Variants in FGD3 observed in about 807,000 individuals in gnomAD.
FGD3 encodes the protein FYVE, RhoGEF and PH domain-containing protein 3.
A neutral mutation model predicts 71.8 loss-of-function variants in FGD3; 45 were observed. That is an observed-to-expected ratio of 0.63 (90% CI 0.49 to 0.80). The LOEUF (loss-of-function observed/expected upper bound fraction) is 0.80, where lower values mean the gene tolerates loss of function less well. FGD3 is among the 30% of genes least tolerant of loss of function. The pLI is 0.00. For missense variants in FGD3, 844 were observed against 951.5 expected (o/e 0.89, Z 1.49); for synonymous variants, 378 against 392.8 (o/e 0.96, Z 0.44).
intron 6 of FGD3, 69 bp downstream of exon 6, chr9:93,006,249 T>G (rs1165209005): frequency 1.4e-6 from 2 of 1,410,388 alleles, no homozygotes; most frequent in Non-Finnish European, 1.9e-6. Context: ...TTTTATTTTT[T>G]AAAAACATAT....
chr9:92,967,429 G>T (rs989764543), intron 1 of FGD3, among the ~76,000 whole-genome samples: 2 of 152,096 alleles, frequency 1.3e-5, no homozygotes, highest in Non-Finnish European at 2.9e-5. Context: ...CCACCATTCT[G>T]GTTTCTGTCT....
chr9:93,035,125 T>C (rs1455645317), intron 17 of FGD3, among the ~76,000 whole-genome samples: 1 of 152,146 alleles, frequency 6.6e-6, no homozygotes, highest in Non-Finnish European at 1.5e-5. Context: ...CCCCTCCCTA[T>C]ATCTCCCTCG....
At chr9:93,000,645 T>G (rs188437799) in intron 3 of FGD3, among the ~76,000 whole-genome samples, 1,974 of 152,288 alleles carry the variant, frequency 0.013, 26 homozygotes, top group Non-Finnish European at 0.02. Flanking sequence ...CACTGACAGA[T>G]CCTCTCATAA....
In FGD3 at chr9:92,976,200, C is replaced by T. The variant is rs977032726; in HGVS notation, c.-49-8C>T. 22 of 1,435,742 alleles carry T rather than the reference C, an allele frequency of 1.5e-5. No homozygotes were observed. The African/African-American group carries it at 3.1e-4, about 21-fold the overall frequency. 88.9% of individuals were successfully genotyped at this position (1,435,742 alleles called of 1,614,324 possible). The stretch of plus-strand genomic sequence containing the variant: ...TAGCACTGACTCTGGCTTGTTTCTC[C>T]CCTACAGGAAGCCCCTGGCCAGCCT... On this transcript the variant is annotated splice_polypyrimidine_tract_variant and splice_region_variant and intron_variant, in intron 2 of 17. Transcript: ENST00000375482.
intron 12 of FGD3, 90 bp from the exon 13 acceptor site, chr9:93,020,227 G>A (rs765753613): frequency 7.0e-5 from 89 of 1,267,966 alleles, no homozygotes; most frequent in Admixed American, 2.2e-4. Context: ...GCCAAGGCCC[G>A]TCCTCGGGAC....
intron 17 of FGD3, 148 bp from the exon 18 acceptor site, chr9:93,035,190 C>A: frequency 1.7e-6 from 2 of 1,165,392 alleles, no homozygotes; most frequent in Non-Finnish European, 2.3e-6. Flanking sequence ...AAAGGCAGTG[C>A]AGGCACAGCC....
chr9:93,000,179 TAAC>T (rs1233578069), intron 3 of FGD3, among the ~76,000 whole-genome samples: 5 of 152,224 alleles, frequency 3.3e-5, no homozygotes, highest in South Asian at 2.1e-4. Flanking sequence ...TTTAAACTAA[TAAC>T]AACTTCAATC....
chr9:93,018,600 G>A lies in FGD3; in HGVS notation c.1355+385G>A, dbSNP rs1249773526. Among the ~76,000 whole-genome samples, 3 of 152,180 alleles carry A rather than the reference G, an allele frequency of 2.0e-5. No individual in the cohort carries two copies. In the East Asian group the frequency reaches 5.8e-4, roughly 29 times the overall value. ...TCTCATTGTCTGGATGTGGTGACCTGGTGAGTTTCAGTCCCTTGATGGTTT... is the reference window on the plus strand; with the variant it reads ...TCTCATTGTCTGGATGTGGTGACCTAGTGAGTTTCAGTCCCTTGATGGTTT... On this transcript the variant is annotated intron_variant, in intron 11 of 17. Transcript: ENST00000375482.
At chr9:93,026,378 G>A (rs1862114122) in intron 14 of FGD3, among the ~76,000 whole-genome samples, 1 of 152,160 alleles carries the variant, frequency 6.6e-6, no homozygotes, top group Non-Finnish European at 1.5e-5. Flanking sequence ...ATTCACAAAG[G>A]GGCGTGTGCA....
intron 3 of FGD3, among the ~76,000 whole-genome samples, chr9:92,983,855 A>G (rs901983277): frequency 6.6e-6 from 1 of 152,198 alleles, no homozygotes. Flanking sequence ...ACTAGGCAAA[A>G]ATATCCACAT....
chr9:92,980,029 G>T (rs1441694668), intron 3 of FGD3, among the ~76,000 whole-genome samples: 2 of 118,856 alleles, frequency 1.7e-5, no homozygotes, highest in Non-Finnish European at 3.5e-5. Context: ...CAATAGAATA[G>T]ATTTTTTTTT....
rs184019218 is a variant in FGD3 at position 92,979,864 on chromosome 9, T to C, written c.453+3155T>C. 5.9e-5 allele frequency among the ~76,000 whole-genome samples: 9 copies of C among 152,310 alleles called. No homozygotes were observed. The East Asian group carries it at 7.7e-4, about 13-fold the overall frequency. On this transcript the variant is annotated intron_variant, in intron 3 of 17. Transcript: ENST00000375482. ...GTGTTTCTAGGAATTTACCCATTAC[T>C]GTTCATAGTATTCTCTTTTAGTCTT...
chr9:93,005,554 C>T (rs1185691182), intron 5 of FGD3, among the ~76,000 whole-genome samples: 4 of 152,110 alleles, frequency 2.6e-5, no homozygotes, highest in Non-Finnish European at 5.9e-5. Context: ...TTTTCTGTTT[C>T]TTGAAAATTA....
chr9:92,980,881 G>T (rs143726701), intron 3 of FGD3, among the ~76,000 whole-genome samples: 1 of 151,014 alleles, frequency 6.6e-6, no homozygotes, highest in Non-Finnish European at 1.5e-5. Flanking sequence ...TGAGGCAGGA[G>T]AATTGCTTGA....
At chr9:92,990,255 TAGTG>T (rs1860356008) in intron 3 of FGD3, among the ~76,000 whole-genome samples, 1 of 152,122 alleles carries the variant, frequency 6.6e-6, no homozygotes, top group Non-Finnish European at 1.5e-5. Flanking sequence ...TTGAGCAACA[TAGTG>T]AGACCTTGTC....
intron 1 of FGD3, among the ~76,000 whole-genome samples, chr9:92,956,130 T>G (rs2118503462): frequency 6.6e-6 from 1 of 152,342 alleles, no homozygotes; most frequent in East Asian, 1.9e-4. Context: ...TTTGTTTGTT[T>G]GTTTGTTTGT....
At chr9:92,959,706 C>CAAAAA (rs10658844) in intron 1 of FGD3, among the ~76,000 whole-genome samples, 13 of 80,530 alleles carry the variant, frequency 1.6e-4, no homozygotes, top group African/African-American at 6.2e-4. Flanking sequence ...AACTCAGTCT[C>CAAAAA]AAAAAAAAAA....
intron 14 of FGD3, among the ~76,000 whole-genome samples, chr9:93,026,283 G>T (rs1350985393): frequency 1.3e-4 from 20 of 152,220 alleles, no homozygotes; most frequent in Non-Finnish European, 1.5e-5. Context: ...TTCCTGGAGA[G>T]ACTTGGGCCC....
At chr9:92,988,035 TC>T (rs1302662641) in intron 3 of FGD3, among the ~76,000 whole-genome samples, 1 of 152,118 alleles carries the variant, frequency 6.6e-6, no homozygotes, top group Non-Finnish European at 1.5e-5. Context: ...GATTTTTTGC[TC>T]CTTAGTTCAG....
Sources: gnomAD v4.1 joint callset for allele counts (sites outside exome capture counted in the v4.1 genomes callset) on GRCh38, gnomAD v4.1.1 for gene constraint, MANE v1.5 for transcripts, NCBI Gene and HGNC (gene_info 2026-07-23, HGNC 2026-07-21) for gene names.